FRYL: variants seen among roughly 807,000 people sequenced by gnomAD.
The protein encoded by FRYL is FRY like transcription coactivator, also known as protein furry homolog-like.
Under a neutral mutation model 351.2 loss-of-function variants are expected in FRYL, and 150 were observed. The observed-to-expected ratio is 0.43, with a 90% CI of 0.37 to 0.49. The LOEUF is 0.49. FRYL is among the 20% of genes least tolerant of loss of function. The probability of loss-of-function intolerance (pLI) is 0.00; values close to 1 mark genes in which losing one functional copy is unlikely to be tolerated. For missense variants in FRYL, 3,036 were observed against 3,619.3 expected, an observed-to-expected ratio of 0.84 and a Z score of 4.13; for synonymous variants, 1,153 against 1,257.1, an observed-to-expected ratio of 0.92 and a Z score of 1.75.
intron 2 of FRYL, among the ~76,000 whole-genome samples, chr4:48,689,266 T>C (rs2149554979): frequency 1.3e-5 from 2 of 152,342 alleles, no homozygotes; most frequent in Middle Eastern, 6.8e-3. Context: ...AGAGGAAGTT[T>C]TCTGTAACAG....
At position 48,573,218 on chromosome 4, in the gene FRYL, T is replaced by C. The variant is rs1252352521; in HGVS notation, c.2872A>G (p.Ile958Val). ...FRELIEELHP[I>V]IKEALERRPE... ...CTTCTTTCGAGTGCTTCTTTAATTA[T>C]GGGATGTAATTCCTCTATTAGTTCC... The change falls in exon 26 of 64, where the codon ATA (isoleucine) becomes GTA (valine). Residue 958 changes from isoleucine (I) to valine (V), a missense_variant. Ile to Val is a conservative substitution (Grantham distance 29, BLOSUM62 3). Transcript: ENST00000358350. 3 of 1,612,010 alleles carry C rather than the reference T, an allele frequency of 1.9e-6. No individual in the cohort carries two copies. Among genetic ancestry groups the C allele is most frequent in the African/African-American group, 1.3e-5 (1 of 74,890 alleles).
chr4:48,647,515 A>C (rs188177012), intron 3 of FRYL, among the ~76,000 whole-genome samples: 114 of 152,320 alleles, frequency 7.5e-4, no homozygotes, highest in African/African-American at 2.6e-3. Context: ...AATATTTATC[A>C]ATAAAATTTT....
rs78638787 is a variant in FRYL at position 48,687,065 on chromosome 4, T to C, written c.-203-2270A>G. Among the ~76,000 whole-genome samples, 257 of 152,346 alleles carry C rather than the reference T, an allele frequency of 1.7e-3. 1 individual carries two copies. The highest frequency in any genetic ancestry group is 6.0e-3 in the African/African-American group (248 of 41,582). On this transcript the variant is annotated intron_variant, in intron 2 of 63. Transcript: ENST00000358350. ...TCTGGGACCTTTTTCGTCTGTTTAC[T>C]TGCAGGACAATCACTTTTTCATCTT...
chr4:48,551,453 T>C (rs757044401), intron 37 of FRYL, 41 bp downstream of exon 37: 2 of 1,069,050 alleles, frequency 1.9e-6, no homozygotes, highest in Non-Finnish European at 2.8e-6. Context: ...AACCAGTATC[T>C]GTCAAACTGA....
At chr4:48,526,885 A>G (rs1010770171) in intron 53 of FRYL, among the ~76,000 whole-genome samples, 1 of 152,210 alleles carries the variant, frequency 6.6e-6, no homozygotes, top group African/African-American at 2.4e-5. Context: ...AGAGTTACCT[A>G]CATCATAAAG....
At chr4:48,632,110 ATATATAT>A (rs368923573) in intron 4 of FRYL, among the ~76,000 whole-genome samples, 35,265 of 94,684 alleles carry the variant, frequency 0.37, 7,731 homozygotes, top group East Asian at 0.49. Flanking sequence ...ATATATATAT[ATATATAT>A]ATATATATAT....
intron 1 of FRYL, among the ~76,000 whole-genome samples, chr4:48,756,670 A>T (rs1203823135): frequency 1.3e-5 from 2 of 152,228 alleles, no homozygotes; most frequent in African/African-American, 2.4e-5. Context: ...TAAAATTGAC[A>T]GGAGAAGTAG....
At chr4:48,729,124 G>A (rs960808671) in intron 1 of FRYL, among the ~76,000 whole-genome samples, 6 of 152,246 alleles carry the variant, frequency 3.9e-5, no homozygotes, top group East Asian at 1.9e-4. Context: ...CACTGCTAGC[G>A]CAGCAGTCTG....
intron 13 of FRYL, chr4:48,598,842 A>G (rs1745139538): frequency 1.0e-6 from 1 of 984,924 alleles, no homozygotes; most frequent in Non-Finnish European, 1.2e-6. Flanking sequence ...GAGTGTTTCT[A>G]TTTGTTTTCT....
At chr4:48,590,531 T>G in intron 17 of FRYL, 128 bp downstream of exon 17, 2 of 588,550 alleles carry the variant, frequency 3.4e-6, no homozygotes, top group Non-Finnish European at 5.5e-6. Context: ...AAGTATTCAT[T>G]TTGTATGGCT....
chr4:48,737,167 G>C (rs1771530612), intron 1 of FRYL, among the ~76,000 whole-genome samples: 1 of 147,126 alleles, frequency 6.8e-6, no homozygotes, highest in East Asian at 2.1e-4. Context: ...TGAGGCACAA[G>C]AATCGTTTGA....
At position 48,613,549 on chromosome 4, in the gene FRYL, A is replaced by G. The variant is rs545039390; in HGVS notation, c.412-3726T>C. Among the ~76,000 whole-genome samples, 14 of 152,336 alleles carry G rather than the reference A, an allele frequency of 9.2e-5. No individual in the cohort carries two copies. The South Asian group carries it at 1.2e-3, about 14-fold the overall frequency. ...TTTTCTATGTTTATAACACTTGTTAACAGTCTTACAAGACACAGGTATACC... is the reference window on the plus strand; with the variant it reads ...TTTTCTATGTTTATAACACTTGTTAGCAGTCTTACAAGACACAGGTATACC... On this transcript the variant is annotated intron_variant, in intron 7 of 63. Transcript: ENST00000358350.
intron 3 of FRYL, chr4:48,653,890 C>CT (rs1314414301): frequency 7.9e-7 from 1 of 1,265,114 alleles, no homozygotes; most frequent in African/African-American, 1.5e-5. Flanking sequence ...GCCGCTGTCC[C>CT]TTCTCTTCTC....
chr4:48,561,976 A>T (rs1475530842), intron 32 of FRYL, among the ~76,000 whole-genome samples: 2 of 152,200 alleles, frequency 1.3e-5, no homozygotes, highest in Non-Finnish European at 2.9e-5. Flanking sequence ...TGACTGTGCC[A>T]CTGTACTCTA....
chr4:48,605,908 T>A, intron 10 of FRYL, 75 bp from the exon 11 acceptor site: 1 of 913,754 alleles, frequency 1.1e-6, no homozygotes, highest in African/African-American at 1.7e-5. Flanking sequence ...CACATCATTT[T>A]GTGAACACTC....
chr4:48,653,811 AGCAG>A (rs1758206733), intron 3 of FRYL: 3 of 325,772 alleles, frequency 9.2e-6, no homozygotes, highest in Non-Finnish European at 1.2e-5. Context: ...CTGCAAAAGC[AGCAG>A]CAGCAGCAGC....
At chr4:48,732,924 C>T in intron 1 of FRYL, among the ~76,000 whole-genome samples, 1 of 47,796 alleles carries the variant, frequency 2.1e-5, no homozygotes, top group African/African-American at 7.2e-5. Context: ...TGAAGTATAA[C>T]AATATTAAAA....
intron 13 of FRYL, 23 bp downstream of exon 13, chr4:48,601,997 T>A (rs780707692): frequency 7.7e-7 from 1 of 1,291,470 alleles, no homozygotes; most frequent in South Asian, 1.2e-5. Flanking sequence ...TATTTACATA[T>A]CAGAAGTGTG....
chr4:48,746,357 G>A (rs1331811566), intron 1 of FRYL, among the ~76,000 whole-genome samples: 1 of 151,878 alleles, frequency 6.6e-6, no homozygotes, highest in East Asian at 1.9e-4. Flanking sequence ...ACGAGGTCAG[G>A]AGATCGAGAC....
Sources: allele counts gnomAD v4.1 joint callset (sites outside exome capture counted in the v4.1 genomes callset), GRCh38; gene constraint gnomAD v4.1.1; transcripts MANE v1.5; gene names NCBI Gene and HGNC (gene_info 2026-07-23, HGNC 2026-07-21).